DNAH10: variants seen among roughly 807,000 people sequenced by gnomAD.
The protein encoded by DNAH10 is axonemal beta dynein heavy chain 10.
Under a neutral mutation model 506.6 loss-of-function variants are expected in DNAH10, and 348 were observed. That is an observed-to-expected ratio of 0.69 (90% CI 0.63 to 0.75). The LOEUF (loss-of-function observed/expected upper bound fraction) is 0.75. Among genes scored for constraint, DNAH10 ranks in the 30% least tolerant of loss-of-function variants. The pLI, the probability that DNAH10 is intolerant of heterozygous loss-of-function variation, is 0.00. For synonymous variants in DNAH10, 2,059 were observed against 2,198.6 expected, an observed-to-expected ratio of 0.94 and a Z score of 1.78; for missense variants, 5,179 against 5,787.1, an observed-to-expected ratio of 0.89 and a Z score of 3.41.
chr12:123,803,965 T>C, intron 17 of DNAH10, 140 bp downstream of exon 17: 1 of 769,502 alleles, frequency 1.3e-6, no homozygotes, highest in Middle Eastern at 3.8e-4. Flanking sequence ...TTTCTAATGC[T>C]CTCAGTCATT....
rs557960783 is a variant in DNAH10, at chr12:123,917,624, G to C, written c.11043G>C (p.Leu3681=). Residue 3681 remains leucine (L), a synonymous_variant, in exon 64 of 79, where the codon CTG becomes CTC. Transcript: ENST00000673944. This position sits in a 1 kb window ranked among gnomAD's most constrained non-coding sequence, Gnocchi z 5.6. ...TGGAGGACCAGCTGCTGAGCGTGCT[G>C]GTGGCTTACGAGAGGCGGGAGCTGG... The part of the protein sequence containing the change: ...KGLEDQLLSV[L]VAYERRELEE... The C allele has an allele frequency of 7.1e-6, 11 of 1,551,702 alleles. No homozygotes were observed. In the South Asian group the frequency reaches 1.2e-4, roughly 17 times the overall value.
chr12:123,902,831 C>G lies in DNAH10; in HGVS notation c.9641-108C>G. ...CATTGGCCAGAGCCCCTTAGATCCCCGCTAGGGCTCAAGCCAACCTTTGAG... is the reference window on the plus strand; with the variant it reads ...CATTGGCCAGAGCCCCTTAGATCCCGGCTAGGGCTCAAGCCAACCTTTGAG... On this transcript the variant is annotated intron_variant, in intron 56 of 78. Transcript: ENST00000673944. The surrounding 1 kb of genome is among the most constrained non-coding windows in gnomAD (Gnocchi z 4.5). 1 of 1,387,970 alleles carries G rather than the reference C, an allele frequency of 7.2e-7. No homozygotes were observed. The highest frequency in any genetic ancestry group is 9.6e-7 in the Non-Finnish European group (1 of 1,043,392). 86.0% of individuals were successfully genotyped at this position (1,387,970 alleles called of 1,614,324 possible).
chr12:123,835,656 G>C (rs1961057802), intron 28 of DNAH10, 128 bp downstream of exon 28: 11 of 1,364,948 alleles, frequency 8.1e-6, no homozygotes, highest in Non-Finnish European at 8.8e-6. Flanking sequence ...ACAGGGTTTT[G>C]CTCTGTTGCC....
At chr12:123,920,812 C>T (rs1954688825) in intron 65 of DNAH10, among the ~76,000 whole-genome samples, 1 of 152,108 alleles carries the variant, frequency 6.6e-6, no homozygotes, top group African/African-American at 2.4e-5. Flanking sequence ...CTCTGATGCC[C>T]AGGCTAGGGT....
At chr12:123,805,640 C>A (rs568713216) in intron 18 of DNAH10, among the ~76,000 whole-genome samples, 1 of 152,134 alleles carries the variant, frequency 6.6e-6, no homozygotes, top group Non-Finnish European at 1.5e-5. Context: ...AATCCATCAC[C>A]GTTACCGTCA....
chr12:123,908,008 A>AG (rs1335890288), intron 57 of DNAH10, among the ~76,000 whole-genome samples: 1 of 152,010 alleles, frequency 6.6e-6, no homozygotes, highest in East Asian at 1.9e-4. Flanking sequence ...TTCCGGGGTC[A>AG]GGAGGGGTGG....
Position 123,804,835 on chromosome 12 carries a change from G to A in DNAH10, c.2782G>A (p.Val928Met), listed in dbSNP as rs139308557. 138 of 1,609,130 alleles carry A rather than the reference G, an allele frequency of 8.6e-5. 1 individual carries two copies. In the East Asian group the frequency reaches 1.4e-3, roughly 16 times the overall value. ...AAKSEEELPG[V>M]KEFFEHIERE... ...CTAACAGACATCTTTCTCTCCAGGC[G>A]TGAAGGAATTTTTTGAACACATTGA... Residue 928 changes from valine (V) to methionine (M), a missense_variant and splice_region_variant, in exon 18 of 79, where the codon GTG becomes ATG. Physicochemically the swap from Val to Met is conservative, Grantham distance 21. This residue lies in a region of DNAH10 where 4,844 missense variants were observed against 5,430.5 expected (regional missense o/e 0.89). Coordinates refer to ENST00000673944, the MANE Select transcript of DNAH10 (RefSeq NM_001372106.1).
intron 67 of DNAH10, 37 bp downstream of exon 67, chr12:123,924,469 C>CA (rs1264881734): frequency 6.2e-7 from 1 of 1,600,324 alleles, no homozygotes; most frequent in Non-Finnish European, 8.5e-7. Flanking sequence ...TCTCCTTCCC[C>CA]ACATGTCAAC....
rs1019630040 is a variant in DNAH10 at position 123,926,359 on chromosome 12, C to T, written c.11922-278C>T. ...TCAGGGTTTTGTGCCATGGGCAGGC[C>T]CACCTAGAGGGCAAGCTGAGGTGCC... is the stretch of plus-strand genomic sequence containing the variant. On this transcript the variant is annotated intron_variant, in intron 68 of 78. Transcript: ENST00000673944. The surrounding 1 kb of genome is among the most constrained non-coding windows in gnomAD (Gnocchi z 4.1). 2.2e-5 allele frequency: 9 copies of T among 409,186 alleles called. No homozygotes were observed. Among genetic ancestry groups the T allele is most frequent in the African/African-American group, 1.6e-4 (8 of 48,504 alleles). 25.3% of individuals were successfully genotyped at this position (409,186 alleles called of 1,614,324 possible). A position where few individuals can be genotyped will look rare whatever the true frequency, so the allele number is the denominator to read the frequency against.
chr12:123,770,661 A>G (rs74841299), intron 2 of DNAH10, among the ~76,000 whole-genome samples: 9,406 of 152,150 alleles, frequency 0.062, 847 homozygotes, highest in African/African-American at 0.19. Context: ...TTATGGATGC[A>G]AAAACTAATA....
At chr12:123,771,464 A>G in intron 2 of DNAH10, 137 bp from the exon 3 acceptor site, 1 of 721,546 alleles carries the variant, frequency 1.4e-6, no homozygotes, top group South Asian at 1.6e-5. Context: ...GATTGATTGG[A>G]ACAGAAGGTA....
In DNAH10 at chr12:123,917,782, C is replaced by A. The variant is rs2137537301; in HGVS notation, c.11201C>A (p.Thr3734Asn). ...NMLDNVDLVH[T>N]LEETKSKATE... is the part of the protein sequence containing the mutation. ...CTGGACAATGTGGACCTGGTGCACACCCTGGAGGAGACCAAATCCAAGGCA... is the reference window on the plus strand; with the variant it reads ...CTGGACAATGTGGACCTGGTGCACAACCTGGAGGAGACCAAATCCAAGGCA... The change falls in exon 64 of 79, where the codon ACC (threonine) becomes AAC (asparagine). Residue 3734 changes from threonine (T) to asparagine (N), a missense_variant. Coordinates refer to ENST00000673944, the MANE Select transcript of DNAH10 (RefSeq NM_001372106.1). This position sits in a 1 kb window ranked among gnomAD's most constrained non-coding sequence, Gnocchi z 5.6. The A allele has an allele frequency of 6.3e-7, 1 of 1,575,288 alleles. No homozygotes were observed. Among genetic ancestry groups the A allele is most frequent in the East Asian group, 2.4e-5 (1 of 42,532 alleles).
rs1413177994 is a variant in DNAH10 at position 123,925,079 on chromosome 12, TC to T, written c.11799del (p.Val3934SerfsTer30). The T allele has an allele frequency of 6.2e-7, 1 of 1,614,032 alleles. No individual in the cohort carries two copies. The highest frequency in any genetic ancestry group is 1.7e-5 in the Admixed American group (1 of 60,026). ...WYDLDSLEQF[P>X]VPLGYDNNIT... Reference sequence around the variant, plus strand: ...ATGACCTGGATTCACTGGAGCAGTTTCCCGTCCCCTTGGGTTACGATAACAA... The same window carrying T: ...ATGACCTGGATTCACTGGAGCAGTTTCCGTCCCCTTGGGTTACGATAACAA... On this transcript the variant is annotated frameshift_variant, in exon 68 of 79. Coordinates refer to ENST00000673944, the MANE Select transcript of DNAH10 (RefSeq NM_001372106.1). LOFTEE classifies it high-confidence loss of function. This position sits in a 1 kb window ranked among gnomAD's most constrained non-coding sequence, Gnocchi z 4.0.
chr12:123,887,522 C>A (rs557459533), intron 52 of DNAH10, among the ~76,000 whole-genome samples: 5 of 152,228 alleles, frequency 3.3e-5, no homozygotes, highest in African/African-American at 9.6e-5. Context: ...CCCTTCTCTC[C>A]GTCTGCGATG....
chr12:123,916,435 A>G lies in DNAH10; in HGVS notation c.10723-22A>G, dbSNP rs373099590. On this transcript the variant is annotated intron_variant, in intron 62 of 78. Transcript: ENST00000673944. This position sits in a 1 kb window ranked among gnomAD's most constrained non-coding sequence, Gnocchi z 4.6. ...CCACAGTTAAACGTGGGCTTTCAGCATCTGCCTCCCTTCTCTTCCAGGTCG... is the reference window on the plus strand; with the variant it reads ...CCACAGTTAAACGTGGGCTTTCAGCGTCTGCCTCCCTTCTCTTCCAGGTCG... The G allele has an allele frequency of 4.7e-5, 74 of 1,589,758 alleles. No individual in the cohort carries two copies. The African/African-American group carries it at 9.6e-4, about 21-fold the overall frequency.
Position 123,792,980 on chromosome 12 carries a change from G to A in DNAH10, c.1816-962G>A, listed in dbSNP as rs1322474964. Among the ~76,000 whole-genome samples, 2 of 152,150 alleles carry A rather than the reference G, an allele frequency of 1.3e-5. 1 individual carries two copies. The highest frequency in any genetic ancestry group is 2.9e-5 in the Non-Finnish European group (2 of 68,032). ...ATATGTATGAATTCTGAAATAACAGGTATAGAATCCAAGGTTGAAAATCAC... is the reference window on the plus strand; with the variant it reads ...ATATGTATGAATTCTGAAATAACAGATATAGAATCCAAGGTTGAAAATCAC... On this transcript the variant is annotated intron_variant, in intron 11 of 78. Transcript: ENST00000673944.
intron 1 of DNAH10, among the ~76,000 whole-genome samples, chr12:123,765,774 C>A (rs960196162): frequency 3.3e-5 from 5 of 151,072 alleles, no homozygotes; most frequent in Non-Finnish European, 5.9e-5. Context: ...CCTACCTATA[C>A]ATCTATCTAT....
At chr12:123,872,313 T>TG (rs1227202301) in intron 45 of DNAH10, among the ~76,000 whole-genome samples, 1 of 151,884 alleles carries the variant, frequency 6.6e-6, no homozygotes, top group East Asian at 1.9e-4. Flanking sequence ...TTGCAGGCAG[T>TG]GGGGGGATAA....
chr12:123,915,014 C>T lies in DNAH10; in HGVS notation c.10722+15C>T. 5.0e-6 allele frequency: 8 copies of T among 1,594,024 alleles called. No homozygotes were observed. The highest frequency in any genetic ancestry group is 6.0e-6 in the Non-Finnish European group (7 of 1,170,580). On this transcript the variant is annotated intron_variant, in intron 62 of 78. Transcript: ENST00000673944. ...ACAATCTGCGGGTATGGTGGCTCCT[C>T]CCAGGGCGTCTTCTGCCCCCTATTC... is the stretch of plus-strand genomic sequence containing the variant.
Sources: gnomAD v4.1 joint callset for allele counts (sites outside exome capture counted in the v4.1 genomes callset) on GRCh38, gnomAD v4.1.1 for gene constraint, gnomAD v4.1.1 regional missense constraint, Gnocchi (gnomAD v3.1) non-coding constraint, MANE v1.5 for transcripts, NCBI Gene and HGNC (gene_info 2026-07-23, HGNC 2026-07-21) for gene names.